DNAJB6: variants seen among roughly 807,000 people sequenced by gnomAD.
DNAJB6 encodes dnaJ homolog subfamily B member 6.
In DNAJB6, 16 loss-of-function variants were observed where a neutral mutation model predicts 42.7. That is an observed-to-expected ratio of 0.37 (90% CI 0.25 to 0.57). DNAJB6 has a LOEUF of 0.57. Among genes scored for constraint, DNAJB6 ranks in the 20% least tolerant of loss-of-function variants. The pLI, the probability that DNAJB6 is intolerant of heterozygous loss-of-function variation, is 0.74. For synonymous variants in DNAJB6, 170 were observed against 163.5 expected (o/e 1.04, Z -0.30); for missense variants, 347 against 416.8 (o/e 0.83, Z 1.46).
intron 6 of DNAJB6, among the ~76,000 whole-genome samples, chr7:157,383,859 A>G (rs1400033203): frequency 6.6e-6 from 1 of 152,224 alleles, no homozygotes; most frequent in Non-Finnish European, 1.5e-5. Flanking sequence ...AAAATACCGC[A>G]AATGATTTTG....
intron 1 of DNAJB6, among the ~76,000 whole-genome samples, chr7:157,341,460 G>C (rs1043250246): frequency 6.6e-6 from 1 of 152,150 alleles, no homozygotes; most frequent in Admixed American, 6.6e-5. Context: ...GCAAAATTAC[G>C]TGTCTTTGGA....
chr7:157,381,378 G>GA (rs1800759878), intron 5 of DNAJB6: 1 of 151,830 alleles, frequency 6.6e-6, no homozygotes, highest in Non-Finnish European at 1.5e-5. Flanking sequence ...CCATTTTTCT[G>GA]AAAAAATTAC....
chr7:157,344,164 C>A (rs1798562380), intron 1 of DNAJB6, among the ~76,000 whole-genome samples: 1 of 152,122 alleles, frequency 6.6e-6, no homozygotes, highest in Non-Finnish European at 1.5e-5. Context: ...CATGGTGAAA[C>A]CCCATCTCTA....
intron 8 of DNAJB6, among the ~76,000 whole-genome samples, chr7:157,396,669 C>T (rs1038053561): frequency 7.2e-5 from 11 of 152,218 alleles, no homozygotes; most frequent in African/African-American, 2.7e-4. Context: ...TGGACCGCAG[C>T]TGTGTCCATA....
chr7:157,361,533 G>T (rs1799597926), intron 2 of DNAJB6, among the ~76,000 whole-genome samples: 1 of 152,138 alleles, frequency 6.6e-6, no homozygotes, highest in Non-Finnish European at 1.5e-5. Flanking sequence ...TCAGATTTTA[G>T]TATGGTTAAG....
rs756165441 is a variant in DNAJB6, at chr7:157,385,556, T to G, written c.636T>G (p.Gly212=). ...KITTKRIVEN[G]QERVEVEEDG... Reference sequence around the variant, plus strand: ...TTTCCTACAGAATTGTCGAGAACGGTCAAGAAAGAGTAGAAGTTGAAGAAG... The same window carrying G: ...TTTCCTACAGAATTGTCGAGAACGGGCAAGAAAGAGTAGAAGTTGAAGAAG... Residue 212 remains glycine (G), a synonymous_variant, in exon 8 of 10, where the codon GGT becomes GGG. Transcript: ENST00000262177. 3.7e-6 allele frequency: 6 copies of G among 1,613,546 alleles called. No individual in the cohort carries two copies. Among genetic ancestry groups the G allele is most frequent in the Non-Finnish European group, 5.1e-6 (6 of 1,179,816 alleles).
At chr7:157,356,264 CTG>C (rs1384702937) in intron 1 of DNAJB6, among the ~76,000 whole-genome samples, 1 of 152,232 alleles carries the variant, frequency 6.6e-6, no homozygotes, top group Non-Finnish European at 1.5e-5. Flanking sequence ...TGGCAGCAAA[CTG>C]GAGCTGGAGT....
At chr7:157,356,447 CT>C (rs1375977626) in intron 1 of DNAJB6, among the ~76,000 whole-genome samples, 1 of 152,200 alleles carries the variant, frequency 6.6e-6, no homozygotes. Context: ...CGACTCCTGT[CT>C]TTTCTCTAGA....
At chr7:157,385,893 T>C (rs1801033247) in intron 8 of DNAJB6, 4 of 1,072,284 alleles carry the variant, frequency 3.7e-6, no homozygotes, top group Non-Finnish European at 4.8e-6. Flanking sequence ...ACTTTGCTTT[T>C]TTATTAAACG....
chr7:157,366,480 C>CAA (rs765156251), intron 3 of DNAJB6, 22 bp from the exon 4 acceptor site: 1 of 1,612,472 alleles, frequency 6.2e-7, no homozygotes, highest in African/African-American at 1.3e-5. Flanking sequence ...TTGGCCTTAC[C>CAA]GACTTTTCTT....
rs1490205122 is a variant in DNAJB6 at position 157,358,119 on chromosome 7, G to C, written c.-26-428G>C. Among the ~76,000 whole-genome samples, 7 of 152,162 alleles carry C rather than the reference G, an allele frequency of 4.6e-5. No individual in the cohort carries two copies. The East Asian group carries it at 1.3e-3, about 29-fold the overall frequency. On this transcript the variant is annotated intron_variant, in intron 1 of 9. Transcript: ENST00000262177. ...GAAGTTAGTTCAGGGCAGGGACAAC[G>C]TGTTTGTCCTTGGAGCCCCGTGGTC...
chr7:157,377,657 C>T (rs548987344), intron 5 of DNAJB6, among the ~76,000 whole-genome samples: 1 of 152,270 alleles, frequency 6.6e-6, no homozygotes, highest in East Asian at 1.9e-4. Context: ...GGTCGAGGCC[C>T]ATCCACATTA....
chr7:157,403,932 T>G (rs1033770333), intron 8 of DNAJB6, among the ~76,000 whole-genome samples: 3 of 152,172 alleles, frequency 2.0e-5, no homozygotes, highest in Admixed American at 2.0e-4. Context: ...GGGCACTGGC[T>G]GTTTCTTGAG....
chr7:157,344,026 G>A (rs1798555203), intron 1 of DNAJB6, among the ~76,000 whole-genome samples: 1 of 152,108 alleles, frequency 6.6e-6, no homozygotes, highest in Non-Finnish European at 1.5e-5. Context: ...GTTTAAAGAA[G>A]TTTCATAATT....
chr7:157,343,377 C>T (rs1798518237), intron 1 of DNAJB6, among the ~76,000 whole-genome samples: 1 of 152,086 alleles, frequency 6.6e-6, no homozygotes, highest in South Asian at 2.1e-4. Flanking sequence ...CCGGGCTGGT[C>T]TTGAACACCT....
intron 5 of DNAJB6, among the ~76,000 whole-genome samples, chr7:157,372,478 C>T (rs908820855): frequency 6.6e-6 from 1 of 152,204 alleles, no homozygotes; most frequent in African/African-American, 2.4e-5. Context: ...GCTGCCGGCA[C>T]CACCATAAAG....
intron 2 of DNAJB6, among the ~76,000 whole-genome samples, chr7:157,359,260 A>G (rs1376922361): frequency 6.6e-6 from 1 of 152,240 alleles, no homozygotes; most frequent in Non-Finnish European, 1.5e-5. Context: ...TTAGCCTGGA[A>G]TAGTTGGAAC....
At chr7:157,382,192 A>AG in intron 5 of DNAJB6, 54 bp from the exon 6 acceptor site, 3 of 1,521,356 alleles carry the variant, frequency 2.0e-6, no homozygotes, top group South Asian at 2.6e-5. Context: ...CTATCACATG[A>AG]GGAAAAAAAC....
rs1161901243 is a variant in DNAJB6, at chr7:157,384,984, A to G, written c.596A>G (p.Asn199Ser). The G allele has an allele frequency of 6.2e-7, 1 of 1,614,066 alleles. No individual in the cohort carries two copies. The highest frequency in any genetic ancestry group is 1.3e-5 in the African/African-American group (1 of 74,950). ...ATATCAACTTCAACTAAAATGGTTA[A>G]TGGCAGAAAAATCACTACAAAGAGG... Reference protein sequence around the residue: ...KSISTSTKMVNGRKITTKRIV... With the variant: ...KSISTSTKMVSGRKITTKRIV... Residue 199 changes from asparagine (N) to serine (S), a missense_variant, in exon 7 of 10, where the codon AAT becomes AGT. Asn to Ser is a conservative substitution (Grantham distance 46, BLOSUM62 1). Transcript: ENST00000262177.
Sources: gnomAD v4.1 joint callset for allele counts (sites outside exome capture counted in the v4.1 genomes callset) on GRCh38, gnomAD v4.1.1 for gene constraint, MANE v1.5 for transcripts, NCBI Gene and HGNC (gene_info 2026-07-23, HGNC 2026-07-21) for gene names.